The following DPP6 variants were observed in gnomAD, a reference collection of about 807,000 sequenced individuals.
DPP6 encodes the protein dipeptidyl peptidase like 6.
In DPP6, 69 loss-of-function variants were observed where a neutral mutation model predicts 122.6. The ratio of observed to expected loss-of-function variants is 0.56; its 90% CI spans 0.46 to 0.69. DPP6 has a LOEUF of 0.69. DPP6 is among the 30% of genes least tolerant of loss of function. The pLI, the probability that DPP6 is intolerant of heterozygous loss-of-function variation, is 0.00. For missense variants in DPP6, 928 were observed against 1,116.9 expected (o/e 0.83, Z 2.41); for synonymous variants, 418 against 433.1 (o/e 0.97, Z 0.43).
chr7:153,887,512 C>G, exon 1 of DPP6: 1 of 628,024 alleles, frequency 1.6e-6, no homozygotes, highest in Non-Finnish European at 2.8e-6. Context: ...AGTAAAGACA[C>G]GGGCAGGGGT....
chr7:154,791,381 C>G (rs1002872723), intron 10 of DPP6, among the ~76,000 whole-genome samples: 1 of 152,012 alleles, frequency 6.6e-6, no homozygotes, highest in Non-Finnish European at 1.5e-5. Context: ...TGGTGGAAGA[C>G]GAAAGAAGGG....
intron 4 of DPP6, among the ~76,000 whole-genome samples, chr7:154,564,829 G>A (rs1830641412): frequency 6.6e-6 from 1 of 152,200 alleles, no homozygotes; most frequent in Non-Finnish European, 1.5e-5. Flanking sequence ...GTTGTCCAAT[G>A]TTGGCATTCC....
chr7:154,755,663 A>C lies in DPP6; in HGVS notation c.884-13754A>C, dbSNP rs1303434831. On this transcript the variant is annotated intron_variant, in intron 8 of 25. Coordinates refer to ENST00000377770, the MANE Select transcript of DPP6 (RefSeq NM_130797.4). The surrounding 1 kb of genome is among the most constrained non-coding windows in gnomAD (Gnocchi z 4.7). ...CACCCTTCTAAGAGGACTTACCCGG[A>C]AGCTGCCAAGTCTTACTGGAATTCA... Among the ~76,000 whole-genome samples, 1 of 152,124 alleles carries C rather than the reference A, an allele frequency of 6.6e-6. No homozygotes were observed. The highest frequency in any genetic ancestry group is 1.5e-5 in the Non-Finnish European group (1 of 68,026).
intron 1 of DPP6, among the ~76,000 whole-genome samples, chr7:154,168,330 G>T (rs1797358953): frequency 6.6e-6 from 1 of 152,206 alleles, no homozygotes; most frequent in Non-Finnish European, 1.5e-5. Context: ...CGCAGATCCA[G>T]GGCCACAGAG....
At chr7:153,941,857 C>G (rs1255694023) in intron 1 of DPP6, among the ~76,000 whole-genome samples, 1 of 152,114 alleles carries the variant, frequency 6.6e-6, no homozygotes, top group Non-Finnish European at 1.5e-5. Context: ...CTCTCTCCCT[C>G]TCTCTGTTTC....
chr7:154,461,908 A>G (rs1318567762), intron 2 of DPP6, among the ~76,000 whole-genome samples: 1 of 152,148 alleles, frequency 6.6e-6, no homozygotes, highest in Non-Finnish European at 1.5e-5. Flanking sequence ...CCTTTGCTAA[A>G]TAGGGTATTA....
chr7:153,918,699 G>T (rs998717423), intron 1 of DPP6, among the ~76,000 whole-genome samples: 5 of 151,756 alleles, frequency 3.3e-5, no homozygotes, highest in African/African-American at 1.2e-4. Flanking sequence ...AGAAATTACA[G>T]CCGGGCATGG....
At chr7:154,728,784 A>G (rs1842193899) in intron 8 of DPP6, among the ~76,000 whole-genome samples, 1 of 152,166 alleles carries the variant, frequency 6.6e-6, no homozygotes, top group South Asian at 2.1e-4. Context: ...CTGTCTTCTT[A>G]TGTCCTCACC....
At chr7:154,149,590 G>A (rs1796307884) in intron 1 of DPP6, among the ~76,000 whole-genome samples, 1 of 151,262 alleles carries the variant, frequency 6.6e-6, no homozygotes, top group African/African-American at 2.4e-5. Context: ...CCTGTGCATA[G>A]CAGGATTATA....
chr7:153,788,432 C>T, the DPP6 span, among the ~76,000 whole-genome samples: 1 of 152,210 alleles, frequency 6.6e-6, no homozygotes, highest in Non-Finnish European at 1.5e-5. Flanking sequence ...TCGATTAGCT[C>T]AGTGGCTCAA....
At chr7:154,890,132 C>T (rs1381383890) in intron 25 of DPP6, 1 of 153,160 alleles carries the variant, frequency 6.5e-6, no homozygotes, top group Non-Finnish European at 1.5e-5. Context: ...CAGTAATGCA[C>T]AGGGATGTCT....
At chr7:154,882,390 T>G (rs1805458874) in intron 21 of DPP6, among the ~76,000 whole-genome samples, 1 of 152,322 alleles carries the variant, frequency 6.6e-6, no homozygotes, top group Admixed American at 6.5e-5. Flanking sequence ...CATAAGCATC[T>G]CTGTTTTGTT....
At chr7:154,130,660 C>G (rs1386848603) in intron 1 of DPP6, among the ~76,000 whole-genome samples, 1 of 152,080 alleles carries the variant, frequency 6.6e-6, no homozygotes, top group Non-Finnish European at 1.5e-5. Flanking sequence ...CCAGGCCTGA[C>G]AGTGGCCCTG....
intron 1 of DPP6, among the ~76,000 whole-genome samples, chr7:154,439,668 G>T (rs890068710): frequency 4.0e-5 from 6 of 149,734 alleles, no homozygotes; most frequent in African/African-American, 1.3e-4. Flanking sequence ...GATAGCTATT[G>T]CATCAATAAT....
chr7:154,287,401 G>A (rs1479085480), intron 1 of DPP6, among the ~76,000 whole-genome samples: 2 of 152,192 alleles, frequency 1.3e-5, no homozygotes, highest in Non-Finnish European at 2.9e-5. Flanking sequence ...AGGTTGCCGG[G>A]GTTTGGACAA....
At chr7:153,875,044 C>T in the DPP6 span, among the ~76,000 whole-genome samples, 1 of 152,060 alleles carries the variant, frequency 6.6e-6, no homozygotes, top group African/African-American at 2.4e-5. Context: ...TTACAACAAA[C>T]AGACAAAATG....
At chr7:154,809,648 G>A (rs1798920827) in intron 16 of DPP6, among the ~76,000 whole-genome samples, 4 of 152,272 alleles carry the variant, frequency 2.6e-5, no homozygotes, top group South Asian at 4.1e-4. Flanking sequence ...GAGTGGAGGC[G>A]ACAGCACATT....
intron 1 of DPP6, among the ~76,000 whole-genome samples, chr7:154,164,898 G>T (rs1393061023): frequency 6.6e-6 from 1 of 152,098 alleles, no homozygotes; most frequent in African/African-American, 2.4e-5. Flanking sequence ...TCACTATTCA[G>T]CTGGTATGAA....
chr7:153,931,569 G>GA (rs11437921), intron 1 of DPP6, among the ~76,000 whole-genome samples: 89,451 of 151,996 alleles, frequency 0.59, 27,041 homozygotes, highest in African/African-American at 0.73. Flanking sequence ...TATTTCATGG[G>GA]AAAAAAACTA....
Sources: allele counts gnomAD v4.1 joint callset (sites outside exome capture counted in the v4.1 genomes callset), GRCh38; gene constraint gnomAD v4.1.1; non-coding constraint Gnocchi (gnomAD v3.1); transcripts MANE v1.5; gene names NCBI Gene and HGNC (gene_info 2026-07-23, HGNC 2026-07-21).